Variants in ARSF observed in about 807,000 individuals in gnomAD.
The protein encoded by ARSF is arylsulfatase F.
ARSF carries 33 observed loss-of-function variants against 35.4 expected under a neutral mutation model. The ratio of observed to expected loss-of-function variants is 0.93; its 90% CI spans 0.71 to 1.25. The LOEUF (loss-of-function observed/expected upper bound fraction) is 1.25. Among genes scored for constraint, ARSF ranks in the 50% most tolerant of loss-of-function variants. The pLI, the probability that ARSF is intolerant of heterozygous loss-of-function variation, is 0.00. For missense variants in ARSF, 501 were observed against 480.2 expected (o/e 1.04, Z -0.40); for synonymous variants, 222 against 193.1 (o/e 1.15, Z -1.24).
chrX:3,105,557 C>T (rs1405413915), intron 9 of ARSF, among the ~76,000 whole-genome samples: 1 of 111,730 alleles, frequency 9.0e-6, no homozygotes, highest in Non-Finnish European at 1.9e-5. Context: ...CTCTGCCTCC[C>T]GGGTTCAAGT....
At chrX:3,066,811 GCCTTTGCAGAA>G (rs2090068474) in intron 1 of ARSF, 1 of 110,364 alleles carries the variant, frequency 9.1e-6, no homozygotes, top group Non-Finnish European at 1.9e-5. Flanking sequence ...AAGAGGCAGA[GCCTTTGCAGAA>G]CAGCCTGTCT....
At chrX:3,054,981 A>G (rs1230793604) in intron 1 of ARSF, among the ~76,000 whole-genome samples, 1 of 107,424 alleles carries the variant, frequency 9.3e-6, no homozygotes, top group Non-Finnish European at 1.9e-5. Flanking sequence ...CGATCTACCC[A>G]CTTCAGCCTC....
intron 5 of ARSF, 98 bp from the exon 6 acceptor site, chrX:3,084,145 C>A: frequency 1.0e-6 from 1 of 970,892 alleles, no homozygotes; most frequent in Non-Finnish European, 1.4e-6. Flanking sequence ...TGTGTATTAG[C>A]TGATTGTTTC....
intron 9 of ARSF, among the ~76,000 whole-genome samples, chrX:3,107,185 A>G (rs1391227223): frequency 8.9e-6 from 1 of 111,927 alleles, no homozygotes; most frequent in African/African-American, 3.2e-5. Context: ...CCAAAATTAT[A>G]ACACTTCTAA....
chrX:3,063,257 C>G (rs1421476641), intron 1 of ARSF, among the ~76,000 whole-genome samples: 2 of 111,534 alleles, frequency 1.8e-5, no homozygotes, highest in African/African-American at 6.5e-5. Context: ...TTCAGCAGCC[C>G]TTCATGCTAA....
Position 3,050,902 on chromosome X carries a change from C to T in ARSF, c.-29+9239C>T, listed in dbSNP as rs532620601. 2.0e-4 allele frequency among the ~76,000 whole-genome samples: 22 copies of T among 111,680 alleles called. No individual in the cohort carries two copies. In the South Asian group the frequency reaches 6.5e-3, roughly 33 times the overall value. ...TTGCTTCTCAGTGTGCATGCTTGAG[C>T]CCACTCACTCACCTCCTGAGATCGT... On this transcript the variant is annotated intron_variant, in intron 1 of 10. Transcript: ENST00000381127.
intron 7 of ARSF, among the ~76,000 whole-genome samples, chrX:3,094,017 G>C (rs1355302645): frequency 8.9e-6 from 1 of 111,799 alleles, no homozygotes; most frequent in Non-Finnish European, 1.9e-5. Context: ...TAATGACAAA[G>C]ACCTCAATTA....
At chrX:3,055,993 C>T (rs1228380311) in intron 1 of ARSF, among the ~76,000 whole-genome samples, 1 of 111,224 alleles carries the variant, frequency 9.0e-6, no homozygotes, top group African/African-American at 3.3e-5. Context: ...GCTCTGTTGC[C>T]CGGGCTGTAG....
chrX:3,084,790 A>G (rs2090235132), intron 6 of ARSF, 124 bp downstream of exon 6: 1 of 687,581 alleles, frequency 1.5e-6, no homozygotes, highest in Non-Finnish European at 2.0e-6. Flanking sequence ...AATAGCTAAA[A>G]GAGAATAAGT....
chrX:3,084,559 A>G lies in ARSF; in HGVS notation c.723A>G (p.Leu241=). ...YAWFSSHTSP[L]YWDCLLMRGH... ...GGTTCTCCAGCCACACGTCCCCTTTATACTGGGACTGCCTCCTCATGCGGG... is the reference window on the plus strand; with the variant it reads ...GGTTCTCCAGCCACACGTCCCCTTTGTACTGGGACTGCCTCCTCATGCGGG... The change falls in exon 6 of 11, where the codon TTA becomes TTG. Residue 241 remains leucine, a synonymous_variant. Transcript: ENST00000381127. 2.5e-6 allele frequency: 3 copies of G among 1,211,292 alleles called. No individual in the cohort carries two copies. The highest frequency in any genetic ancestry group is 3.4e-6 in the Non-Finnish European group (3 of 895,419).
chrX:3,084,213 G>A, intron 5 of ARSF, 30 bp from the exon 6 acceptor site: 1 of 1,200,704 alleles, frequency 8.3e-7, no homozygotes, highest in Non-Finnish European at 1.1e-6. Context: ...ACATATTGAT[G>A]CGTAGATGTG....
At position 3,096,977 on chromosome X, in the gene ARSF, G is replaced by A. The variant is rs143321209; in HGVS notation, c.968-4110G>A. Among the ~76,000 whole-genome samples the A allele has an allele frequency of 4.9e-3, 547 of 111,326 alleles. 3 individuals are homozygous for A. Among genetic ancestry groups the A allele is most frequent in the African/African-American group, 0.016 (491 of 30,586 alleles). On this transcript the variant is annotated intron_variant, in intron 7 of 10. Coordinates refer to ENST00000381127, the MANE Select transcript of ARSF (RefSeq NM_001201539.2). ...TAGGATGAGGCTGCTACATGCCAAG[G>A]AAGGCTAAGGACTGATGCCAACTGT...
chrX:3,065,891 G>A (rs2090063789), intron 1 of ARSF, among the ~76,000 whole-genome samples: 1 of 110,431 alleles, frequency 9.1e-6, no homozygotes, highest in Admixed American at 9.8e-5. Context: ...TTGAGCCCAG[G>A]AGTTTGAGAC....
At chrX:3,075,996 C>T (rs1172196979) in intron 3 of ARSF, among the ~76,000 whole-genome samples, 2 of 104,544 alleles carry the variant, frequency 1.9e-5, no homozygotes, top group Non-Finnish European at 3.9e-5. Context: ...TCTTTTTCCA[C>T]CTCTCTTTCT....
chrX:3,103,484 AT>A (rs1203744283), intron 8 of ARSF, among the ~76,000 whole-genome samples: 1 of 111,576 alleles, frequency 9.0e-6, no homozygotes, highest in Non-Finnish European at 1.9e-5. Context: ...GTAGGTGTAT[AT>A]TTGAGATAAG....
intron 8 of ARSF, among the ~76,000 whole-genome samples, chrX:3,101,636 G>A (rs913298602): frequency 1.8e-5 from 2 of 111,239 alleles, no homozygotes; most frequent in Non-Finnish European, 3.8e-5. Context: ...AGAAGTCTTC[G>A]ACACTCTCTT....
chrX:3,058,955 A>G (rs1461019788), intron 1 of ARSF, among the ~76,000 whole-genome samples: 3 of 112,146 alleles, frequency 2.7e-5, no homozygotes, highest in Admixed American at 9.5e-5. Context: ...TTCTGTGATT[A>G]TAAGTAGGGA....
chrX:3,108,294 C>G (rs2090423016), intron 9 of ARSF, among the ~76,000 whole-genome samples: 1 of 111,580 alleles, frequency 9.0e-6, no homozygotes, highest in Admixed American at 9.6e-5. Flanking sequence ...CTTTATTTTC[C>G]CATGTAAATT....
At chrX:3,092,485 C>G (rs367614788) in intron 7 of ARSF, among the ~76,000 whole-genome samples, 2 of 112,062 alleles carry the variant, frequency 1.8e-5, no homozygotes, top group East Asian at 2.8e-4. Flanking sequence ...AGTGTTCAAA[C>G]AAGGCACTTT....
Sources: allele counts gnomAD v4.1 joint callset (sites outside exome capture counted in the v4.1 genomes callset), GRCh38; gene constraint gnomAD v4.1.1; transcripts MANE v1.5; gene names NCBI Gene and HGNC (gene_info 2026-07-23, HGNC 2026-07-21).